KIF26B: variants seen among roughly 807,000 people sequenced by gnomAD.
KIF26B encodes kinesin family member 26B, also known as kinesin-like protein KIF26B.
Under a neutral mutation model 151.2 loss-of-function variants are expected in KIF26B, and 63 were observed. The ratio of observed to expected loss-of-function variants is 0.42; its 90% confidence interval spans 0.34 to 0.51. KIF26B has a LOEUF of 0.51. KIF26B is among the 20% of genes least tolerant of loss of function. The pLI, the probability that KIF26B is intolerant of heterozygous loss-of-function variation, is 0.07. For synonymous variants in KIF26B, 1,357 were observed against 1,262.1 expected, an observed-to-expected ratio of 1.08 and a Z score of -1.59; for missense variants, 2,813 against 2,913.6, an observed-to-expected ratio of 0.97 and a Z score of 0.79.
At chr1:245,217,322 ACT>A (rs1162532023) in intron 2 of KIF26B, among the ~76,000 whole-genome samples, 4 of 149,634 alleles carry the variant, frequency 2.7e-5, no homozygotes, top group African/African-American at 7.4e-5. Flanking sequence ...ACAACAAATG[ACT>A]CTCACTCTCT....
Position 245,419,658 on chromosome 1 carries a change from C to G in KIF26B, c.1079C>G (p.Ser360Cys). The G allele has an allele frequency of 6.2e-7, 1 of 1,613,902 alleles. No homozygotes were observed. The highest frequency in any genetic ancestry group is 8.5e-7 in the Non-Finnish European group (1 of 1,179,796). ...VLNRYNADKP[S>C]ACSVPASQGS... ...AACCGCTACAATGCAGACAAGCCTTCCGCCTGCAGTGTCCCAGCCTCGCAG... is the reference window on the plus strand; with the variant it reads ...AACCGCTACAATGCAGACAAGCCTTGCGCCTGCAGTGTCCCAGCCTCGCAG... Residue 360 changes from serine to cysteine, a missense_variant, in exon 4 of 15, where the codon TCC becomes TGC. Physicochemically the swap from Ser to Cys is moderately radical, Grantham distance 112. This residue lies in a region of KIF26B where 676 missense variants were observed against 688.1 expected (regional missense o/e 0.98). Coordinates refer to ENST00000407071, the MANE Select transcript of KIF26B (RefSeq NM_018012.4).
chr1:245,172,726 C>A (rs1389144311), intron 2 of KIF26B, among the ~76,000 whole-genome samples: 1 of 152,158 alleles, frequency 6.6e-6, no homozygotes, highest in African/African-American at 2.4e-5. Context: ...AGGAGAATTG[C>A]TTGAACCCAG....
intron 2 of KIF26B, among the ~76,000 whole-genome samples, chr1:245,291,132 G>A (rs1671248001): frequency 6.6e-6 from 1 of 152,194 alleles, no homozygotes; most frequent in Non-Finnish European, 1.5e-5. Context: ...TGAGGCCCAG[G>A]CTCAACTGGC....
chr1:245,548,431 A>T (rs1661800219), intron 5 of KIF26B, among the ~76,000 whole-genome samples: 1 of 152,176 alleles, frequency 6.6e-6, no homozygotes, highest in South Asian at 2.1e-4. Flanking sequence ...CCTTGGCTCC[A>T]CCTGCTCTTC....
Position 245,419,719 on chromosome 1 carries a change from A to T in KIF26B, c.1140A>T (p.Thr380=). The part of the protein sequence containing the change: ...SCVASETSTG[T]SVAASFFARA... ...TGGCCAGCGAGACTTCCACAGGCACATCGGTGGCCGCCTCCTTCTTTGCAC... is the reference window on the plus strand; with the variant it reads ...TGGCCAGCGAGACTTCCACAGGCACTTCGGTGGCCGCCTCCTTCTTTGCAC... The change falls in exon 4 of 15, where the codon ACA becomes ACT. Residue 380 remains threonine (T), a synonymous_variant. Coordinates refer to ENST00000407071, the MANE Select transcript of KIF26B (RefSeq NM_018012.4). 6.2e-7 allele frequency: 1 copy of T among 1,612,882 alleles called. No homozygotes were observed. The highest frequency in any genetic ancestry group is 8.5e-7 in the Non-Finnish European group (1 of 1,179,362).
intron 4 of KIF26B, among the ~76,000 whole-genome samples, chr1:245,434,883 C>T (rs1227379955): frequency 6.6e-6 from 1 of 152,110 alleles, no homozygotes; most frequent in Non-Finnish European, 1.5e-5. Flanking sequence ...CCTAGAGTCA[C>T]CTCCCAGTTA....
Position 245,564,009 on chromosome 1 carries a change from T to A in KIF26B, c.1350+23059T>A, listed in dbSNP as rs76514342. Among the ~76,000 whole-genome samples the A allele has an allele frequency of 0.068, 10,336 of 152,228 alleles. 505 individuals carry two copies. The highest frequency in any genetic ancestry group is 0.2 in the East Asian group (1,033 of 5,146). ...TTAGGTTCCTCCACACCAAATGTGA[T>A]CATTTCATTTCGCAGCTAGATTGCT... On this transcript the variant is annotated intron_variant, in intron 5 of 14. Coordinates refer to ENST00000407071, the MANE Select transcript of KIF26B (RefSeq NM_018012.4). The surrounding 1 kb of genome is among the most constrained non-coding windows in gnomAD (Gnocchi z 4.6).
Position 245,687,230 on chromosome 1 carries a change from C to T in KIF26B, c.4247C>T (p.Ala1416Val). 6.2e-7 allele frequency: 1 copy of T among 1,612,932 alleles called. No individual in the cohort carries two copies. Among genetic ancestry groups the T allele is most frequent in the Non-Finnish European group, 8.5e-7 (1 of 1,179,646 alleles). Residue 1416 changes from alanine (A) to valine (V), a missense_variant, in exon 12 of 15, where the codon GCA (alanine) becomes GTA (valine). Physicochemically the swap from Ala to Val is moderately conservative, Grantham distance 64. This residue lies in a region of KIF26B where 2,060 missense variants were observed against 2,088.6 expected (regional missense o/e 0.99). Transcript: ENST00000407071. This position sits in a 1 kb window ranked among gnomAD's most constrained non-coding sequence, Gnocchi z 4.9. ...EPEAPTATPK[A>V]GPTLAQSRES... Reference sequence around the variant, plus strand: ...GAGGCCCCCACCGCCACCCCCAAAGCAGGCCCCACATTAGCCCAGTCCCGG... The same window carrying T: ...GAGGCCCCCACCGCCACCCCCAAAGTAGGCCCCACATTAGCCCAGTCCCGG...
intron 9 of KIF26B, among the ~76,000 whole-genome samples, chr1:245,625,024 A>C (rs572381711): frequency 8.5e-5 from 13 of 152,230 alleles, no homozygotes; most frequent in Admixed American, 8.5e-4. Flanking sequence ...TGTTGTAAAA[A>C]GCTATTATTT....
In KIF26B at chr1:245,179,615, A is replaced by G. The variant is rs1668869405; in HGVS notation, c.465+22932A>G. On this transcript the variant is annotated intron_variant, in intron 2 of 14. Coordinates refer to ENST00000407071, the MANE Select transcript of KIF26B (RefSeq NM_018012.4). ...ACTCCAGCCTGGGCGACAGAGCGAG[A>G]CTCCGACTCAAAAACAAAACAAAAA... 2.0e-5 allele frequency among the ~76,000 whole-genome samples: 3 copies of G among 150,702 alleles called. No homozygotes were observed. In the South Asian group the frequency reaches 6.3e-4, roughly 31 times the overall value.
At position 245,685,902 on chromosome 1, in the gene KIF26B, A is replaced by G; in HGVS notation, c.2919A>G (p.Pro973=). 6.2e-7 allele frequency: 1 copy of G among 1,612,972 alleles called. No homozygotes were observed. The highest frequency in any genetic ancestry group is 1.3e-5 in the African/African-American group (1 of 75,026). The change falls in exon 12 of 15, where the codon CCA becomes CCG. Residue 973 remains proline, a synonymous_variant. Transcript: ENST00000407071. The stretch of plus-strand genomic sequence containing the variant: ...TAAGCCAAGCAGCGGGGGCAAGCCC[A>G]CTCTCTGAGTCTGATAAGGAAGATA... ...PRLSQAAGAS[P]LSESDKEDNG... is the part of the protein sequence containing the mutation.
At position 245,375,646 on chromosome 1, in the gene KIF26B, G is replaced by C. The variant is rs114543519; in HGVS notation, c.999+8279G>C. Among the ~76,000 whole-genome samples, 148 of 152,250 alleles carry C rather than the reference G, an allele frequency of 9.7e-4. No homozygotes were observed. Among genetic ancestry groups the C allele is most frequent in the African/African-American group, 3.3e-3 (138 of 41,536 alleles). ...AGTTCTGGTCTCCAGAACTTTAAGAGGGTAAGTTTTTGTTGTTTGAAGCTG... is the reference window on the plus strand; with the variant it reads ...AGTTCTGGTCTCCAGAACTTTAAGACGGTAAGTTTTTGTTGTTTGAAGCTG... On this transcript the variant is annotated intron_variant, in intron 3 of 14. Transcript: ENST00000407071. This position sits in a 1 kb window ranked among gnomAD's most constrained non-coding sequence, Gnocchi z 4.2.
chr1:245,544,348 G>A (rs1184609168), intron 5 of KIF26B, among the ~76,000 whole-genome samples: 1 of 152,152 alleles, frequency 6.6e-6, no homozygotes, highest in Non-Finnish European at 1.5e-5. Flanking sequence ...AACCTGACCT[G>A]GAGTCTCCTA....
intron 2 of KIF26B, among the ~76,000 whole-genome samples, chr1:245,168,269 C>T (rs531084244): frequency 6.6e-5 from 10 of 152,292 alleles, no homozygotes; most frequent in South Asian, 6.2e-4. Flanking sequence ...CTGCAGCCGC[C>T]GCAGCGACCT....
chr1:245,587,144 C>G (rs1399296199), intron 5 of KIF26B, among the ~76,000 whole-genome samples: 1 of 152,170 alleles, frequency 6.6e-6, no homozygotes, highest in Non-Finnish European at 1.5e-5. Flanking sequence ...GGCCATGCTG[C>G]CCACTCACCT....
At chr1:245,296,300 T>C (rs1300999162) in intron 2 of KIF26B, among the ~76,000 whole-genome samples, 1 of 152,098 alleles carries the variant, frequency 6.6e-6, no homozygotes, top group Non-Finnish European at 1.5e-5. Flanking sequence ...AACTGAAGTC[T>C]GTCTTCTCAC....
chr1:245,303,666 T>C (rs1329914668), intron 2 of KIF26B, among the ~76,000 whole-genome samples: 2 of 152,240 alleles, frequency 1.3e-5, no homozygotes, highest in East Asian at 3.8e-4. Flanking sequence ...TAGTTTCTTA[T>C]ATTAACTAAA....
chr1:245,685,806 G>T lies in KIF26B; in HGVS notation c.2823G>T (p.Glu941Asp), dbSNP rs1200082686. 1 of 1,610,166 alleles carries T rather than the reference G, an allele frequency of 6.2e-7. No individual in the cohort carries two copies. Among genetic ancestry groups the T allele is most frequent in the South Asian group, 1.1e-5 (1 of 90,954 alleles). Reference sequence around the variant, plus strand: ...TGGACTGCATCGACGGCAGCGAGGAGCCCAGCAGCTTTCCTTTCGAAGAAC... The same window carrying T: ...TGGACTGCATCGACGGCAGCGAGGATCCCAGCAGCTTTCCTTTCGAAGAAC... Reference protein sequence around the residue: ...ERLDCIDGSEEPSSFPFEELP... With the variant: ...ERLDCIDGSEDPSSFPFEELP... The change falls in exon 12 of 15, where the codon GAG becomes GAT. Residue 941 changes from glutamate to aspartate, a missense_variant. Physicochemically the swap from Glu to Asp is conservative, Grantham distance 45. Around this residue, in one of 3 missense-constraint regions of KIF26B, gnomAD observed 2,060 missense variants for 2,088.6 expected, o/e 0.99. Coordinates refer to ENST00000407071, the MANE Select transcript of KIF26B (RefSeq NM_018012.4).
intron 4 of KIF26B, among the ~76,000 whole-genome samples, chr1:245,457,568 A>G (rs1383658068): frequency 6.6e-6 from 1 of 152,090 alleles, no homozygotes; most frequent in Non-Finnish European, 1.5e-5. Flanking sequence ...ACACCTCTGC[A>G]TTTCTCCTTT....
Sources: allele counts gnomAD v4.1 joint callset (sites outside exome capture counted in the v4.1 genomes callset), GRCh38; gene constraint gnomAD v4.1.1; regional missense constraint gnomAD v4.1.1; non-coding constraint Gnocchi (gnomAD v3.1); transcripts MANE v1.5; gene names NCBI Gene and HGNC (gene_info 2026-07-23, HGNC 2026-07-21).